SCN8A: variants seen among roughly 807,000 people sequenced by gnomAD.
SCN8A encodes sodium voltage-gated channel alpha subunit 8.
In SCN8A, 30 loss-of-function variants were observed where a neutral mutation model predicts 184.1. That is an observed-to-expected ratio of 0.16 (90% CI 0.12 to 0.22). The LOEUF (loss-of-function observed/expected upper bound fraction) is 0.22. Among genes scored for constraint, SCN8A ranks in the 10% least tolerant of loss-of-function variants. SCN8A has a pLI of 1.00. For missense variants in SCN8A, 1,057 were observed against 2,498.9 expected (o/e 0.42, Z 12.30); for synonymous variants, 852 against 907.0 (o/e 0.94, Z 1.09).
intron 1 of SCN8A, among the ~76,000 whole-genome samples, chr12:51,648,564 G>C (rs888353391): frequency 6.6e-6 from 1 of 152,156 alleles, no homozygotes; most frequent in African/African-American, 2.4e-5. Context: ...ATCATGGCAG[G>C]AGGCGAAAGG....
chr12:51,622,358 T>C (rs965814204), intron 1 of SCN8A, among the ~76,000 whole-genome samples: 2 of 152,234 alleles, frequency 1.3e-5, no homozygotes, highest in Non-Finnish European at 2.9e-5. Context: ...TTCACACTGA[T>C]GTCCTTTTTC....
At chr12:51,596,195 C>T (rs766740086) in intron 1 of SCN8A, among the ~76,000 whole-genome samples, 5 of 152,150 alleles carry the variant, frequency 3.3e-5, no homozygotes, top group Non-Finnish European at 7.3e-5. Flanking sequence ...TTAGGTTTCC[C>T]CACTGTATAG....
intron 1 of SCN8A, among the ~76,000 whole-genome samples, chr12:51,597,513 A>G (rs953317817): frequency 2.0e-5 from 3 of 152,162 alleles, no homozygotes; most frequent in Non-Finnish European, 4.4e-5. Context: ...TTCCTCCATT[A>G]TGAGCACTTA....
chr12:51,753,650 G>A (rs1010519704), intron 14 of SCN8A, among the ~76,000 whole-genome samples: 1 of 152,146 alleles, frequency 6.6e-6, no homozygotes, highest in Non-Finnish European at 1.5e-5. Flanking sequence ...ATTAGATATC[G>A]TATAACCTTA....
rs558127486 is a variant in SCN8A, at chr12:51,794,836, G to T, written c.4795+195G>T. 7.2e-5 allele frequency among the ~76,000 whole-genome samples: 11 copies of T among 152,022 alleles called. No individual in the cohort carries two copies. The East Asian group carries it at 2.1e-3, about 29-fold the overall frequency. On this transcript the variant is annotated intron_variant, in intron 26 of 26. Transcript: ENST00000627620. ...TCCATGGTCAGTGAGTTTCTACTGA[G>T]TGTTCTCGGTAGTCTTGGATTATAA...
intron 11 of SCN8A, chr12:51,712,498 A>G: frequency 1.3e-6 from 1 of 770,292 alleles, no homozygotes; most frequent in Non-Finnish European, 2.4e-6. Context: ...CACTTCCACC[A>G]CTAGATGCAT....
At chr12:51,640,752 G>T (rs987493406) in intron 1 of SCN8A, among the ~76,000 whole-genome samples, 3 of 152,170 alleles carry the variant, frequency 2.0e-5, no homozygotes, top group African/African-American at 7.2e-5. Flanking sequence ...TTTCCTATCA[G>T]TTCCTGATTC....
At chr12:51,804,561 C>T (rs1280279866) in intron 26 of SCN8A, among the ~76,000 whole-genome samples, 1 of 151,824 alleles carries the variant, frequency 6.6e-6, no homozygotes, top group East Asian at 1.9e-4. Flanking sequence ...GTGATCTCAG[C>T]TCACTGCAAC....
At chr12:51,800,239 A>G (rs1938519317) in intron 26 of SCN8A, among the ~76,000 whole-genome samples, 2 of 152,246 alleles carry the variant, frequency 1.3e-5, no homozygotes, top group Non-Finnish European at 2.9e-5. Flanking sequence ...ATCAGATACC[A>G]GGAGATGTGT....
chr12:51,635,340 T>C (rs536374556), intron 1 of SCN8A, among the ~76,000 whole-genome samples: 8 of 152,308 alleles, frequency 5.3e-5, no homozygotes, highest in African/African-American at 1.9e-4. Context: ...TGTAATTGGC[T>C]GGTAATCCAT....
rs1022856027 is a variant in SCN8A at position 51,706,587 on chromosome 12, C to A, written c.1507C>A (p.Leu503Ile). 6.2e-7 allele frequency: 1 copy of A among 1,608,730 alleles called. No homozygotes were observed. The highest frequency in any genetic ancestry group is 1.7e-5 in the Admixed American group (1 of 59,286). ...GAGAAAGAAGAGGAAGCAAAAGGAA[C>A]TCTCTGAAGGAGAGGAGAAAGGGGA... ...NRRKKRKQKE[L>I]SEGEEKGDPE... The change falls in exon 11 of 27, where the codon CTC (leucine) becomes ATC (isoleucine). Residue 503 changes from leucine (L) to isoleucine (I), a missense_variant. Physicochemically the swap from Leu to Ile is conservative, Grantham distance 5. Around this residue, in one of 19 missense-constraint regions of SCN8A, gnomAD observed 322 missense variants for 390.1 expected, o/e 0.83. Coordinates refer to ENST00000627620, the MANE Select transcript of SCN8A (RefSeq NM_001330260.2).
intron 1 of SCN8A, among the ~76,000 whole-genome samples, chr12:51,649,587 G>C (rs1471843699): frequency 6.6e-6 from 1 of 152,196 alleles, no homozygotes; most frequent in Non-Finnish European, 1.5e-5. Context: ...CCAAGTCTTG[G>C]AGCTTGCACC....
At chr12:51,681,042 C>T (rs1376311553) in intron 2 of SCN8A, among the ~76,000 whole-genome samples, 2 of 151,958 alleles carry the variant, frequency 1.3e-5, no homozygotes, top group African/African-American at 4.8e-5. Context: ...AAATAAAAAT[C>T]CTGTTGTCTG....
chr12:51,593,985 G>C (rs181460115), intron 1 of SCN8A, among the ~76,000 whole-genome samples: 3 of 152,282 alleles, frequency 2.0e-5, no homozygotes, highest in Admixed American at 6.5e-5. Context: ...AAATTAAACT[G>C]GATCAGGAGA....
At position 51,611,248 on chromosome 12, in the gene SCN8A, G is replaced by A. The variant is rs533306538; in HGVS notation, c.-55+19889G>A. ...TGTCGCCCAGGCTGGAGCAAGCTCCGCCTCCCAGGTTCACGCCATTCTCCT... is the reference window on the plus strand; with the variant it reads ...TGTCGCCCAGGCTGGAGCAAGCTCCACCTCCCAGGTTCACGCCATTCTCCT... On this transcript the variant is annotated intron_variant, in intron 1 of 26. Transcript: ENST00000627620. Among the ~76,000 whole-genome samples the A allele has an allele frequency of 8.8e-5, 13 of 147,930 alleles. No homozygotes were observed. In the East Asian group the frequency reaches 1.4e-3, roughly 16 times the overall value.
chr12:51,596,645 A>G (rs1467660971), intron 1 of SCN8A, among the ~76,000 whole-genome samples: 1 of 152,206 alleles, frequency 6.6e-6, no homozygotes, highest in Non-Finnish European at 1.5e-5. Flanking sequence ...GAAGGAAAGC[A>G]TTTTGGAAGC....
At chr12:51,650,854 G>A (rs1030870810) in intron 1 of SCN8A, among the ~76,000 whole-genome samples, 15 of 152,118 alleles carry the variant, frequency 9.9e-5, no homozygotes, top group African/African-American at 3.4e-4. Flanking sequence ...GAAATCAGGG[G>A]TCTCATAGCC....
intron 11 of SCN8A, 91 bp from the exon 12 acceptor site, chr12:51,721,455 G>T: frequency 7.3e-7 from 1 of 1,374,426 alleles, no homozygotes; most frequent in Non-Finnish European, 9.7e-7. Context: ...GGGTGGGGCC[G>T]GCTGGGAACC....
intron 12 of SCN8A, among the ~76,000 whole-genome samples, chr12:51,736,762 G>T (rs1261430635): frequency 6.6e-6 from 1 of 152,202 alleles, no homozygotes; most frequent in Non-Finnish European, 1.5e-5. Flanking sequence ...TCGTAACTGA[G>T]AATTTTCAAT....
Sources: gnomAD v4.1 joint callset for allele counts (sites outside exome capture counted in the v4.1 genomes callset) on GRCh38, gnomAD v4.1.1 for gene constraint, gnomAD v4.1.1 regional missense constraint, MANE v1.5 for transcripts, NCBI Gene and HGNC (gene_info 2026-07-23, HGNC 2026-07-21) for gene names.